Variants in ZNF714 observed in about 807,000 individuals in gnomAD.
ZNF714 encodes zinc finger protein 714.
A neutral mutation model predicts 46.2 loss-of-function variants in ZNF714; 32 were observed. That is an observed-to-expected ratio of 0.69 (90% CI 0.52 to 0.93). ZNF714 has a LOEUF of 0.93. Among genes scored for constraint, ZNF714 ranks in the 40% least tolerant of loss-of-function variants. The pLI is 0.00. For missense variants in ZNF714, 635 were observed against 646.3 expected, an observed-to-expected ratio of 0.98 and a Z score of 0.19; for synonymous variants, 199 against 213.1, an observed-to-expected ratio of 0.93 and a Z score of 0.58.
Position 21,098,834 on chromosome 19 carries a change from A to T in ZNF714, c.66A>T (p.Gln22His). The change falls in exon 4 of 5, where the codon CAA becomes CAT. Residue 22 changes from glutamine to histidine, a missense_variant. Physicochemically the swap from Gln to His is conservative, Grantham distance 24. Transcript: ENST00000456283. ...VFLAGIAVSK[Q>H]DPITSLEQEK... ...AAGCAGGTATTGCTGTCTCTAAGCA[A>T]GACCCGATCACCAGTCTAGAGCAAG... 3 of 1,609,972 alleles carry T rather than the reference A, an allele frequency of 1.9e-6. No homozygotes were observed. The highest frequency in any genetic ancestry group is 2.5e-6 in the Non-Finnish European group (3 of 1,178,420).
At chr19:21,094,402 T>A (rs1386111359) in intron 2 of ZNF714, among the ~76,000 whole-genome samples, 1 of 152,254 alleles carries the variant, frequency 6.6e-6, no homozygotes, top group Non-Finnish European at 1.5e-5. Context: ...GGTTGCTGGG[T>A]CAAACAGTAA....
At chr19:21,083,723 C>G (rs1968712254) in intron 1 of ZNF714, among the ~76,000 whole-genome samples, 1 of 152,050 alleles carries the variant, frequency 6.6e-6, no homozygotes, top group African/African-American at 2.4e-5. Context: ...AGAATAATCC[C>G]CTGACACTGT....
intron 1 of ZNF714, among the ~76,000 whole-genome samples, chr19:21,082,888 TG>T (rs1335300117): frequency 6.6e-5 from 10 of 152,100 alleles, no homozygotes; most frequent in African/African-American, 2.4e-4. Flanking sequence ...ATTCAGTAAT[TG>T]GTTAGGTTCA....
At chr19:21,099,991 G>C (rs1969136434) in intron 4 of ZNF714, among the ~76,000 whole-genome samples, 1 of 152,006 alleles carries the variant, frequency 6.6e-6, no homozygotes, top group Non-Finnish European at 1.5e-5. Flanking sequence ...TAATAGCTGG[G>C]ATTACAGGCA....
At position 21,124,971 on chromosome 19, in the gene ZNF714, G is replaced by C. The variant is rs1457263907; in HGVS notation, c.*6639G>C. ...TTTTTTTTTTTTAAGGCCAGGTGTG[G>C]TGTCTTACACCTGTAATCCCAGCAC... On this transcript the variant is annotated 3_prime_UTR_variant, in exon 5 of 5. Transcript: ENST00000456283. 1 of 144,900 alleles carries C rather than the reference G, an allele frequency of 6.9e-6. No homozygotes were observed. Among genetic ancestry groups the C allele is most frequent in the Non-Finnish European group, 1.5e-5 (1 of 66,816 alleles). 9.0% of individuals were successfully genotyped at this position (144,900 alleles called of 1,614,324 possible). A position where few individuals can be genotyped will look rare whatever the true frequency, so the allele number is the denominator to read the frequency against.
intron 2 of ZNF714, among the ~76,000 whole-genome samples, chr19:21,092,759 A>G (rs947671657): frequency 3.3e-5 from 5 of 152,052 alleles, no homozygotes; most frequent in African/African-American, 1.2e-4. Context: ...ACTAGGCCTC[A>G]GTGTCTGTCG....
At chr19:21,114,393 A>G (rs971037422) in intron 4 of ZNF714, among the ~76,000 whole-genome samples, 1 of 143,838 alleles carries the variant, frequency 7.0e-6, no homozygotes, top group Non-Finnish European at 1.5e-5. Flanking sequence ...CTGAGATCGC[A>G]CCACTGCACT....
chr19:21,121,861 A>G lies in ZNF714; in HGVS notation c.*3529A>G, dbSNP rs1489431524. The G allele has an allele frequency of 6.6e-6, 1 of 151,676 alleles. No individual in the cohort carries two copies. The highest frequency in any genetic ancestry group is 1.5e-5 in the Non-Finnish European group (1 of 67,916). 9.4% of individuals were successfully genotyped at this position (151,676 alleles called of 1,614,324 possible). A position where few individuals can be genotyped will look rare whatever the true frequency, so the allele number is the denominator to read the frequency against. On this transcript the variant is annotated 3_prime_UTR_variant, in exon 5 of 5. Transcript: ENST00000456283. Reference sequence around the variant, plus strand: ...GACCCATACTTTTTTTGTTTCTTACATTTTTTTTGTTTTATGGTTTAGGAA... The same window carrying G: ...GACCCATACTTTTTTTGTTTCTTACGTTTTTTTTGTTTTATGGTTTAGGAA...
chr19:21,093,197 C>T (rs1218891579), intron 2 of ZNF714, among the ~76,000 whole-genome samples: 1 of 151,868 alleles, frequency 6.6e-6, no homozygotes, highest in East Asian at 1.9e-4. Flanking sequence ...AGCCACCATA[C>T]CTGGCCTTGC....
rs1037899356 is a variant in ZNF714 at position 21,117,492 on chromosome 19, G to A, written c.828G>A (p.Lys276=). 53 of 1,609,230 alleles carry A rather than the reference G, an allele frequency of 3.3e-5. No individual in the cohort carries two copies. Among genetic ancestry groups the A allele is most frequent in the Non-Finnish European group, 4.2e-5 (50 of 1,177,258 alleles). ...FNHPSALTTH[K]FIHVKEKPYK... is the part of the protein sequence containing the mutation. ...ACCCTTCAGCCCTTACTACACATAA[G>A]TTCATTCATGTTAAAGAAAAACCCT... Residue 276 remains lysine (K), a synonymous_variant, in exon 5 of 5, where the codon AAG becomes AAA. Coordinates refer to ENST00000456283, the MANE Select transcript of ZNF714 (RefSeq NM_182515.4).
chr19:21,106,581 AAAAC>A (rs1368383660), intron 4 of ZNF714, among the ~76,000 whole-genome samples: 1 of 151,870 alleles, frequency 6.6e-6, no homozygotes, highest in Non-Finnish European at 1.5e-5. Context: ...AAAAAAAAAA[AAAAC>A]AAATATTTTT....
chr19:21,112,536 AT>A (rs34412157), intron 4 of ZNF714, among the ~76,000 whole-genome samples: 66 of 143,762 alleles, frequency 4.6e-4, no homozygotes, highest in East Asian at 1.6e-3. Context: ...GGATTCATTG[AT>A]TTTTTTTTTT....
chr19:21,111,617 A>G (rs973511582), intron 4 of ZNF714, among the ~76,000 whole-genome samples: 3 of 152,064 alleles, frequency 2.0e-5, no homozygotes, highest in African/African-American at 4.8e-5. Context: ...TTCCAATACT[A>G]TGTTAAATAG....
At position 21,118,744 on chromosome 19, in the gene ZNF714, C is replaced by T. The variant is rs1216569191; in HGVS notation, c.*412C>T. 4.8e-6 allele frequency: 1 copy of T among 207,102 alleles called. No individual in the cohort carries two copies. Among genetic ancestry groups the T allele is most frequent in the African/African-American group, 2.4e-5 (1 of 41,676 alleles). The allele number at this position is 207,102 out of a possible 1,614,324, so 12.8% of individuals were successfully genotyped here. A position where few individuals can be genotyped will look rare whatever the true frequency, so the allele number is the denominator to read the frequency against. ...TAACATAATTCATACTGGAAAGAAA[C>T]TCTGCAAACCAGAAAGATCTGGCAA... On this transcript the variant is annotated 3_prime_UTR_variant, in exon 5 of 5. Transcript: ENST00000456283.
intron 4 of ZNF714, among the ~76,000 whole-genome samples, chr19:21,112,422 G>C (rs757670979): frequency 6.6e-6 from 1 of 151,986 alleles, no homozygotes; most frequent in African/African-American, 2.4e-5. Flanking sequence ...TATTTCTATG[G>C]GGTCAGTGGT....
chr19:21,117,838 AC>A lies in ZNF714; in HGVS notation c.1175del (p.Thr392MetfsTer26). The A allele has an allele frequency of 6.2e-7, 1 of 1,612,266 alleles. No individual in the cohort carries two copies. The highest frequency in any genetic ancestry group is 8.5e-7 in the Non-Finnish European group (1 of 1,179,154). The stretch of plus-strand genomic sequence containing the variant: ...ACTTACTATACATAAGATAATTCAT[AC>A]TGGAGAGAAACCTTACAAATGTGAA... ...SKLTIHKIIH[T>X]GEKPYKCEEC... On this transcript the variant is annotated frameshift_variant, in exon 5 of 5. Coordinates refer to ENST00000456283, the MANE Select transcript of ZNF714 (RefSeq NM_182515.4). LOFTEE classifies it high-confidence loss of function.
chr19:21,098,999 T>G, intron 4 of ZNF714, 89 bp downstream of exon 4: 1 of 821,980 alleles, frequency 1.2e-6, no homozygotes, highest in Non-Finnish European at 1.8e-6. Context: ...ACAATGTGAT[T>G]TGGGAAGCTG....
chr19:21,084,043 C>A lies in ZNF714; in HGVS notation c.-111C>A. ...GTGGATCCCTGGGGCAGAGAGGAAG[C>A]TTCTAGTGTACTCTTACTTTGAAAA... On this transcript the variant is annotated 5_prime_UTR_variant, in exon 2 of 5. Transcript: ENST00000456283. The A allele has an allele frequency of 8.2e-7, 1 of 1,217,024 alleles. No homozygotes were observed. Among genetic ancestry groups the A allele is most frequent in the Non-Finnish European group, 1.0e-6 (1 of 958,128 alleles). 75.4% of individuals were successfully genotyped at this position (1,217,024 alleles called of 1,614,324 possible).
chr19:21,121,136 A>T lies in ZNF714; in HGVS notation c.*2804A>T, dbSNP rs1474162309. On this transcript the variant is annotated 3_prime_UTR_variant, in exon 5 of 5. Coordinates refer to ENST00000456283, the MANE Select transcript of ZNF714 (RefSeq NM_182515.4). ...AAGCTCCACTTCCCGGGTTCACGCC[A>T]TTTTCCTGCCTCAGCCTCCCAAGCA... The T allele has an allele frequency of 6.6e-6, 1 of 152,114 alleles. No homozygotes were observed. The highest frequency in any genetic ancestry group is 1.5e-5 in the Non-Finnish European group (1 of 68,088). 9.4% of individuals were successfully genotyped at this position (152,114 alleles called of 1,614,324 possible).
Sources: allele counts gnomAD v4.1 joint callset (sites outside exome capture counted in the v4.1 genomes callset), GRCh38; gene constraint gnomAD v4.1.1; transcripts MANE v1.5; gene names NCBI Gene and HGNC (gene_info 2026-07-23, HGNC 2026-07-21).